Variants in ATAD2B observed in about 807,000 individuals in gnomAD.
ATAD2B encodes the protein ATPase family AAA domain-containing protein 2B.
In ATAD2B, 40 loss-of-function variants were observed where a neutral mutation model predicts 167.6. The observed-to-expected ratio is 0.24, with a 90% CI of 0.19 to 0.31. ATAD2B has a LOEUF of 0.31. ATAD2B is among the 10% of genes least tolerant of loss of function. The pLI, the probability that ATAD2B is intolerant of heterozygous loss-of-function variation, is 1.00. For missense variants in ATAD2B, 1,242 were observed against 1,757.2 expected, an observed-to-expected ratio of 0.71 and a Z score of 5.24; for synonymous variants, 579 against 596.5, an observed-to-expected ratio of 0.97 and a Z score of 0.43.
At chr2:23,851,895 G>T (rs1197209906) in intron 13 of ATAD2B, among the ~76,000 whole-genome samples, 2 of 149,364 alleles carry the variant, frequency 1.3e-5, no homozygotes, top group African/African-American at 4.9e-5. Context: ...CAATAAAATT[G>T]ATAATCCTCT....
chr2:23,914,086 C>T (rs931453949), intron 1 of ATAD2B, among the ~76,000 whole-genome samples: 2 of 151,508 alleles, frequency 1.3e-5, no homozygotes, highest in Non-Finnish European at 2.9e-5. Context: ...CCTGTCTCTA[C>T]AAAAAATTTT....
chr2:23,921,788 T>C (rs1703965002), intron 1 of ATAD2B, among the ~76,000 whole-genome samples: 2 of 152,186 alleles, frequency 1.3e-5, no homozygotes, highest in African/African-American at 4.8e-5. Flanking sequence ...TATTGTACTA[T>C]AGGAGTACCT....
chr2:23,772,811 G>A (rs534683894), intron 22 of ATAD2B, among the ~76,000 whole-genome samples: 124 of 152,284 alleles, frequency 8.1e-4, no homozygotes, highest in Non-Finnish European at 1.6e-3. Flanking sequence ...CCTTATAGCA[G>A]CGTCAACCTC....
At chr2:23,802,652 T>G (rs1211557991) in intron 18 of ATAD2B, among the ~76,000 whole-genome samples, 1 of 151,422 alleles carries the variant, frequency 6.6e-6, no homozygotes, top group Non-Finnish European at 1.5e-5. Flanking sequence ...AAAAAAAAAT[T>G]TAAGAAGTGT....
chr2:23,743,889 A>G (rs1030339907), downstream of ATAD2B, among the ~76,000 whole-genome samples: 3 of 152,078 alleles, frequency 2.0e-5, no homozygotes, highest in African/African-American at 7.2e-5. Context: ...GCCTCCCAAA[A>G]TGCTGGGAAT....
chr2:23,881,850 A>T (rs894419458), intron 6 of ATAD2B, among the ~76,000 whole-genome samples: 6 of 151,910 alleles, frequency 3.9e-5, no homozygotes, highest in Non-Finnish European at 7.4e-5. Context: ...CAGCCTCCTG[A>T]GTAGCTGGGA....
intron 13 of ATAD2B, among the ~76,000 whole-genome samples, chr2:23,843,264 A>C (rs767337267): frequency 6.6e-6 from 1 of 152,256 alleles, no homozygotes; most frequent in Non-Finnish European, 1.5e-5. Context: ...AAGCAAAAAT[A>C]AGTGAAGACT....
the ATAD2B span, chr2:23,697,960 G>A: frequency 6.6e-6 from 1 of 152,210 alleles, no homozygotes; most frequent in East Asian, 1.9e-4. Flanking sequence ...TCTTGCTTTT[G>A]TCGGCTATTT....
At chr2:23,869,557 A>G in intron 9 of ATAD2B, 106 bp downstream of exon 9, 1 of 763,920 alleles carries the variant, frequency 1.3e-6, no homozygotes, top group South Asian at 1.5e-5. Context: ...GTCTTAATCT[A>G]GTCTAAAATA....
At chr2:23,689,036 C>T in the ATAD2B span, 1 of 153,142 alleles carries the variant, frequency 6.5e-6, no homozygotes, top group Non-Finnish European at 1.5e-5. Flanking sequence ...CCTCACAGCT[C>T]TGCAGGCCAT....
At chr2:23,698,167 A>AAAG in the ATAD2B span, among the ~76,000 whole-genome samples, 2 of 152,208 alleles carry the variant, frequency 1.3e-5, no homozygotes, top group African/African-American at 4.8e-5. Flanking sequence ...TCTGGCTGTG[A>AAAG]AAGTTCAGCA....
chr2:23,896,080 G>A (rs1700111586), intron 1 of ATAD2B, 110 bp from the exon 2 acceptor site: 1 of 783,774 alleles, frequency 1.3e-6, no homozygotes, highest in Non-Finnish European at 1.9e-6. Context: ...ACTTTGGGTG[G>A]CCGAGGTGGG....
chr2:23,861,357 AAGAT>A (rs1694337782), intron 12 of ATAD2B, among the ~76,000 whole-genome samples: 1 of 152,032 alleles, frequency 6.6e-6, no homozygotes, highest in African/African-American at 2.4e-5. Context: ...TTCAATGGTA[AAGAT>A]AGATACAAAC....
chr2:23,926,858 C>G lies in ATAD2B; in HGVS notation c.-88G>C. 1.4e-6 allele frequency: 2 copies of G among 1,417,608 alleles called. No individual in the cohort carries two copies. Among genetic ancestry groups the G allele is most frequent in the Non-Finnish European group, 1.9e-6 (2 of 1,080,186 alleles). The allele number at this position is 1,417,608 out of a possible 1,614,324, so 87.8% of individuals were successfully genotyped here. On this transcript the variant is annotated 5_prime_UTR_variant, in exon 1 of 28. Coordinates refer to ENST00000238789, the MANE Select transcript of ATAD2B (RefSeq NM_017552.4). ...GGCCGGTCAGTCAGGGCCAGCGGAG[C>G]CGAGCCGGGCAATGAGAGACGAGCC...
rs1686013533 is a variant in ATAD2B at position 23,813,865 on chromosome 2, GATTC to G, written c.2268-3367_2268-3364del. Among the ~76,000 whole-genome samples the G allele has an allele frequency of 2.0e-5, 3 of 152,206 alleles. 1 individual carries two copies. In the South Asian group the frequency reaches 6.2e-4, roughly 32 times the overall value. ...TTCTAACACAAAATTTAAATTAAAAGATTCATTTATTTTTAATTCATAATAATCT... is the reference window on the plus strand; with the variant it reads ...TTCTAACACAAAATTTAAATTAAAAGATTTATTTTTAATTCATAATAATCT... On this transcript the variant is annotated intron_variant, in intron 17 of 27. Transcript: ENST00000238789.
chr2:23,872,020 G>C (rs113213560), intron 8 of ATAD2B, among the ~76,000 whole-genome samples: 1 of 152,050 alleles, frequency 6.6e-6, no homozygotes, highest in Non-Finnish European at 1.5e-5. Flanking sequence ...TGGGATTACA[G>C]GTGCACACCA....
chr2:23,823,999 G>C (rs1687864582), intron 15 of ATAD2B, among the ~76,000 whole-genome samples: 1 of 151,950 alleles, frequency 6.6e-6, no homozygotes, highest in Non-Finnish European at 1.5e-5. Flanking sequence ...AGCCAGGCTG[G>C]AGTGCAGTGG....
chr2:23,881,582 C>T (rs1470103121), intron 6 of ATAD2B, among the ~76,000 whole-genome samples: 2 of 151,584 alleles, frequency 1.3e-5, no homozygotes, highest in East Asian at 1.9e-4. Context: ...AAGATGGTCT[C>T]GAACTCCAGA....
chr2:23,845,172 A>C (rs1691549667), intron 13 of ATAD2B, among the ~76,000 whole-genome samples: 1 of 152,224 alleles, frequency 6.6e-6, no homozygotes, highest in African/African-American at 2.4e-5. Flanking sequence ...TCAAAAAGTT[A>C]AACATAAAAC....
Sources: allele counts gnomAD v4.1 joint callset (sites outside exome capture counted in the v4.1 genomes callset), GRCh38; gene constraint gnomAD v4.1.1; transcripts MANE v1.5; gene names NCBI Gene and HGNC (gene_info 2026-07-23, HGNC 2026-07-21).